Variants in AKR1C4 observed in about 807,000 individuals in gnomAD.
AKR1C4 encodes the protein 3-alpha-HSD1.
AKR1C4 carries 44 observed loss-of-function variants against 41.0 expected under a neutral mutation model. The ratio of observed to expected loss-of-function variants is 1.07; its 90% confidence interval spans 0.84 to 1.38. The LOEUF (loss-of-function observed/expected upper bound fraction) is 1.38, where lower values mean the gene tolerates loss of function less well. AKR1C4 is among the 40% of genes most tolerant of loss of function. AKR1C4 has a pLI of 0.00. For synonymous variants in AKR1C4, 165 were observed against 137.7 expected, an observed-to-expected ratio of 1.20 and a Z score of -1.39; for missense variants, 438 against 387.9, an observed-to-expected ratio of 1.13 and a Z score of -1.09.
intron 1 of AKR1C4, among the ~76,000 whole-genome samples, chr10:5,198,791 G>A (rs1312942111): frequency 6.6e-6 from 1 of 152,158 alleles, no homozygotes; most frequent in African/African-American, 2.4e-5. Flanking sequence ...TGGATCCCTT[G>A]AGCTCCGGAG....
At chr10:5,202,997 G>A (rs1220518583) in intron 2 of AKR1C4, among the ~76,000 whole-genome samples, 4 of 146,218 alleles carry the variant, frequency 2.7e-5, no homozygotes, top group Admixed American at 2.1e-4. Context: ...TCCTTTCCTG[G>A]TATTGGTATT....
At chr10:5,204,546 T>C in intron 3 of AKR1C4, 53 bp downstream of exon 3, 1 of 1,317,206 alleles carries the variant, frequency 7.6e-7, no homozygotes, top group Non-Finnish European at 1.1e-6. Context: ...GACCATCCTT[T>C]ATGATGGTTG....
chr10:5,202,277 G>A (rs1832410947), intron 2 of AKR1C4, among the ~76,000 whole-genome samples: 3 of 152,184 alleles, frequency 2.0e-5, no homozygotes, highest in South Asian at 4.2e-4. Context: ...TGCAGCTGTT[G>A]TAAATGGAAT....
chr10:5,208,222 G>A (rs782366046), intron 5 of AKR1C4, among the ~76,000 whole-genome samples: 15 of 151,532 alleles, frequency 9.9e-5, no homozygotes, highest in Non-Finnish European at 1.8e-4. Flanking sequence ...CAACTGTTTA[G>A]AAGCATTTAT....
chr10:5,200,666 A>G (rs1404931253), intron 2 of AKR1C4, among the ~76,000 whole-genome samples: 2 of 152,172 alleles, frequency 1.3e-5, no homozygotes, highest in African/African-American at 2.4e-5. Context: ...ACATGAATCA[A>G]TTCTACACTG....
chr10:5,217,925 A>G (rs1554798717), intron 8 of AKR1C4, among the ~76,000 whole-genome samples: 1 of 152,236 alleles, frequency 6.6e-6, no homozygotes, highest in African/African-American at 2.4e-5. Flanking sequence ...CCTGCAGTGG[A>G]GATGTTAACA....
intron 8 of AKR1C4, among the ~76,000 whole-genome samples, chr10:5,217,212 A>C (rs1296984897): frequency 6.6e-6 from 1 of 152,230 alleles, no homozygotes; most frequent in Non-Finnish European, 1.5e-5. Flanking sequence ...AACATTTCCA[A>C]CAACACTGGT....
At chr10:5,202,510 T>C (rs1362734532) in intron 2 of AKR1C4, 1 of 455,410 alleles carries the variant, frequency 2.2e-6, no homozygotes, top group Non-Finnish European at 4.4e-6. Context: ...TTACCTTGCC[T>C]GATTACTCTG....
rs782177946 is a variant in AKR1C4 at position 5,200,209 on chromosome 10, C to T, written c.113C>T (p.Thr38Ile). ...EVPRNRAVEV[T>I]KLAIEAGFRH... ...CCGAGGAACAGAGCTGTAGAGGTCA[C>T]CAAATTAGCAATAGAAGCTGGCTTC... The change falls in exon 2 of 9, where the codon ACC becomes ATC. Residue 38 changes from threonine to isoleucine, a missense_variant. Coordinates refer to ENST00000263126, the MANE Select transcript of AKR1C4 (RefSeq NM_001818.5). 50 of 1,613,878 alleles carry T rather than the reference C, an allele frequency of 3.1e-5. No individual in the cohort carries two copies. In the South Asian group the frequency reaches 4.9e-4, roughly 16 times the overall value.
At chr10:5,207,326 T>C (rs1832505259) in intron 5 of AKR1C4, 1 of 293,558 alleles carries the variant, frequency 3.4e-6, no homozygotes, top group Admixed American at 4.9e-5. Flanking sequence ...CCAAAGGATT[T>C]AACACTGAAA....
chr10:5,202,699 G>A (rs868995996), intron 2 of AKR1C4, among the ~76,000 whole-genome samples: 3 of 151,948 alleles, frequency 2.0e-5, no homozygotes, highest in East Asian at 3.9e-4. Context: ...AATGGATGTT[G>A]GATTTTATTA....
chr10:5,204,687 C>T (rs782767914), intron 3 of AKR1C4, 194 bp downstream of exon 3: 1 of 735,840 alleles, frequency 1.4e-6, no homozygotes, highest in Non-Finnish European at 2.5e-6. Context: ...GAAGACAGTA[C>T]ATCAACCTCA....
chr10:5,203,911 A>T (rs1554797183), intron 2 of AKR1C4, among the ~76,000 whole-genome samples: 1 of 152,142 alleles, frequency 6.6e-6, no homozygotes, highest in African/African-American at 2.4e-5. Context: ...TTCAGTGAAG[A>T]GTGTGGGAGG....
chr10:5,206,263 C>CT lies in AKR1C4; in HGVS notation c.448-9dup, dbSNP rs1554797467. ...CTGCACAAATAATTCCTCACAACCC[C>CT]TTTCTCCCCAGGTCATGGAGAAGTG... is the stretch of plus-strand genomic sequence containing the variant. On this transcript the variant is annotated splice_polypyrimidine_tract_variant and intron_variant, in intron 4 of 8. Transcript: ENST00000263126. The CT allele has an allele frequency of 6.2e-7, 1 of 1,613,986 alleles. No individual in the cohort carries two copies. The highest frequency in any genetic ancestry group is 2.2e-5 in the East Asian group (1 of 44,876).
At chr10:5,206,640 C>T (rs1310049503) in intron 5 of AKR1C4, among the ~76,000 whole-genome samples, 1 of 152,090 alleles carries the variant, frequency 6.6e-6, no homozygotes, top group Non-Finnish European at 1.5e-5. Context: ...AGGTGAATTT[C>T]ATCAAGGAGG....
At chr10:5,212,795 G>A in intron 6 of AKR1C4, 70 bp downstream of exon 6, 3 of 1,502,910 alleles carry the variant, frequency 2.0e-6, no homozygotes, top group African/African-American at 2.8e-5. Flanking sequence ...AGCATACTCA[G>A]TCTCCTAGAG....
chr10:5,199,177 A>G, intron 1 of AKR1C4, among the ~76,000 whole-genome samples: 1 of 152,178 alleles, frequency 6.6e-6, no homozygotes, highest in East Asian at 1.9e-4. Flanking sequence ...ACTAACCAGG[A>G]AAGACTTCAG....
At chr10:5,215,941 C>G (rs1832650219) in intron 7 of AKR1C4, among the ~76,000 whole-genome samples, 1 of 152,140 alleles carries the variant, frequency 6.6e-6, no homozygotes, top group South Asian at 2.1e-4. Context: ...AGCAATGTCC[C>G]ACTCCTGGTA....
At chr10:5,214,920 TG>T (rs1376257739) in intron 7 of AKR1C4, among the ~76,000 whole-genome samples, 38 of 152,184 alleles carry the variant, frequency 2.5e-4, no homozygotes, top group African/African-American at 9.2e-4. Context: ...AGAAACTATT[TG>T]TGTTCTTTGA....
Sources: gnomAD v4.1 joint callset for allele counts (sites outside exome capture counted in the v4.1 genomes callset) on GRCh38, gnomAD v4.1.1 for gene constraint, MANE v1.5 for transcripts, NCBI Gene and HGNC (gene_info 2026-07-23, HGNC 2026-07-21) for gene names.